The following DPY19L1 variants were observed in gnomAD, a reference collection of about 807,000 sequenced individuals.
The protein encoded by DPY19L1 is protein C-mannosyl-transferase DPY19L1.
Under a neutral mutation model 96.9 loss-of-function variants are expected in DPY19L1, and 35 were observed. That is an observed-to-expected ratio of 0.36 (90% CI 0.28 to 0.48). The LOEUF (loss-of-function observed/expected upper bound fraction) is 0.48. Among genes scored for constraint, DPY19L1 ranks in the 20% least tolerant of loss-of-function variants. The pLI is 0.99. For missense variants in DPY19L1, 521 were observed against 777.9 expected (o/e 0.67, Z 3.93); for synonymous variants, 205 against 252.6 (o/e 0.81, Z 1.79).
intron 1 of DPY19L1, among the ~76,000 whole-genome samples, chr7:35,033,637 T>A (rs1584267562): frequency 6.6e-6 from 1 of 152,178 alleles, no homozygotes; most frequent in Non-Finnish European, 1.5e-5. Flanking sequence ...TGCAGGCCAG[T>A]GTTGATATGG....
At chr7:35,001,659 C>T (rs1386182051) in intron 6 of DPY19L1, among the ~76,000 whole-genome samples, 1 of 152,180 alleles carries the variant, frequency 6.6e-6, no homozygotes, top group Non-Finnish European at 1.5e-5. Context: ...CTAAGTTCTG[C>T]TCACATCATT....
chr7:34,995,908 G>A (rs1299876790), intron 6 of DPY19L1, among the ~76,000 whole-genome samples: 7 of 140,066 alleles, frequency 5.0e-5, no homozygotes, highest in African/African-American at 1.6e-4. Flanking sequence ...CTATACTCAT[G>A]GCGGCGGTGG....
At chr7:35,013,517 CAA>C (rs1315712257) in intron 4 of DPY19L1, 49 bp downstream of exon 4, 1 of 1,526,558 alleles carries the variant, frequency 6.6e-7, no homozygotes, top group Non-Finnish European at 9.0e-7. Flanking sequence ...GCGTTTAATA[CAA>C]AAAAGTTTTT....
chr7:34,995,918 G>A (rs911811258), intron 6 of DPY19L1, among the ~76,000 whole-genome samples: 4 of 75,842 alleles, frequency 5.3e-5, no homozygotes, highest in Non-Finnish European at 1.3e-4. Flanking sequence ...GGCGGCGGTG[G>A]GGGGGGCGGT....
rs1443346052 is a variant in DPY19L1 at position 34,960,477 on chromosome 7, A to G, written c.1093-2407T>C. 2.6e-5 allele frequency among the ~76,000 whole-genome samples: 4 copies of G among 152,172 alleles called. No homozygotes were observed. In the East Asian group the frequency reaches 7.7e-4, roughly 29 times the overall value. Reference sequence around the variant, plus strand: ...TGTATACAGAAAAATTATATTAAATATGCATCAATGAATATGATTTCATTG... The same window carrying G: ...TGTATACAGAAAAATTATATTAAATGTGCATCAATGAATATGATTTCATTG... On this transcript the variant is annotated intron_variant, in intron 10 of 21. Transcript: ENST00000638088.
intron 1 of DPY19L1, among the ~76,000 whole-genome samples, chr7:35,027,208 G>GA (rs1786141845): frequency 6.8e-6 from 1 of 146,554 alleles, no homozygotes. Context: ...CCGTCTCAAA[G>GA]AAAAAAAAGA....
intron 1 of DPY19L1, among the ~76,000 whole-genome samples, chr7:35,033,484 T>C (rs531709546): frequency 8.5e-5 from 13 of 152,342 alleles, no homozygotes; most frequent in African/African-American, 2.9e-4. Context: ...TGACTGACTA[T>C]GAATGAACTT....
chr7:34,969,085 GTTAAC>G (rs780856075), intron 9 of DPY19L1, among the ~76,000 whole-genome samples: 9 of 151,994 alleles, frequency 5.9e-5, no homozygotes, highest in African/African-American at 1.9e-4. Flanking sequence ...AAATACTATA[GTTAAC>G]TTAAGAGAAA....
At chr7:35,037,704 G>T, upstream of DPY19L1, 1 of 529,378 alleles carries the variant, frequency 1.9e-6, no homozygotes. Context: ...AGCGGCCGCG[G>T]CCCCGCCCCC....
chr7:34,993,521 C>A (rs1020287954), intron 6 of DPY19L1, among the ~76,000 whole-genome samples: 1 of 151,782 alleles, frequency 6.6e-6, no homozygotes, highest in Non-Finnish European at 1.5e-5. Context: ...AGCTACCCAC[C>A]CCCAACTACT....
At chr7:34,953,550 C>T (rs1212290080) in intron 13 of DPY19L1, among the ~76,000 whole-genome samples, 1 of 152,132 alleles carries the variant, frequency 6.6e-6, no homozygotes, top group Non-Finnish European at 1.5e-5. Flanking sequence ...CTGTGTATTC[C>T]TGCAGCACTC....
At chr7:34,952,134 A>C (rs1470731298) in intron 13 of DPY19L1, among the ~76,000 whole-genome samples, 1 of 151,480 alleles carries the variant, frequency 6.6e-6, no homozygotes, top group Non-Finnish European at 1.5e-5. Context: ...GACCACAAAA[A>C]AAAAACCCAC....
intron 6 of DPY19L1, among the ~76,000 whole-genome samples, chr7:35,002,897 T>C (rs1353824789): frequency 6.6e-6 from 1 of 152,124 alleles, no homozygotes; most frequent in Non-Finnish European, 1.5e-5. Flanking sequence ...GCTTACTGAG[T>C]AGCTGGGACT....
At chr7:34,998,589 C>T (rs184863155) in intron 6 of DPY19L1, among the ~76,000 whole-genome samples, 14 of 152,280 alleles carry the variant, frequency 9.2e-5, no homozygotes, top group Admixed American at 9.2e-4. Flanking sequence ...GATATGTCTC[C>T]CGGACTCTGG....
intron 1 of DPY19L1, among the ~76,000 whole-genome samples, chr7:35,021,056 C>G (rs1020385605): frequency 1.3e-5 from 2 of 152,176 alleles, no homozygotes; most frequent in African/African-American, 4.8e-5. Flanking sequence ...TAATTTTGTT[C>G]CTGTTTTATA....
In DPY19L1 at chr7:34,944,439, C is replaced by T. The variant is rs1784098125; in HGVS notation, c.1544+1228G>A. ...CATACACATTCGACAATCCTTCTCCCCCCAAAATCCCACAAAAGAATAAAA... is the reference window on the plus strand; with the variant it reads ...CATACACATTCGACAATCCTTCTCCTCCCAAAATCCCACAAAAGAATAAAA... On this transcript the variant is annotated intron_variant, in intron 16 of 21. Coordinates refer to ENST00000638088, the MANE Select transcript of DPY19L1 (RefSeq NM_001366673.1). Among the ~76,000 whole-genome samples the T allele has an allele frequency of 2.6e-5, 4 of 151,270 alleles. No homozygotes were observed. In the South Asian group the frequency reaches 8.5e-4, roughly 32 times the overall value.
At chr7:35,031,286 A>C (rs1222088455) in intron 1 of DPY19L1, among the ~76,000 whole-genome samples, 2 of 152,254 alleles carry the variant, frequency 1.3e-5, no homozygotes, top group Non-Finnish European at 2.9e-5. Flanking sequence ...CAGTGTAACA[A>C]ATATATAAGT....
At chr7:34,958,496 T>C (rs1474635644) in intron 10 of DPY19L1, among the ~76,000 whole-genome samples, 2 of 152,240 alleles carry the variant, frequency 1.3e-5, no homozygotes, top group Non-Finnish European at 2.9e-5. Flanking sequence ...AACACTTAAG[T>C]GCTTTCCACT....
At chr7:35,001,718 T>C (rs1244637881) in intron 6 of DPY19L1, among the ~76,000 whole-genome samples, 2 of 152,146 alleles carry the variant, frequency 1.3e-5, no homozygotes, top group Non-Finnish European at 2.9e-5. Context: ...ACCCACAATT[T>C]AGAGCTTCTA....
Sources: gnomAD v4.1 joint callset for allele counts (sites outside exome capture counted in the v4.1 genomes callset) on GRCh38, gnomAD v4.1.1 for gene constraint, MANE v1.5 for transcripts, NCBI Gene and HGNC (gene_info 2026-07-23, HGNC 2026-07-21) for gene names.